C4orf50: variants seen among roughly 807,000 people sequenced by gnomAD.
C4orf50 encodes the protein chromosome 4 open reading frame 50, also known as uncharacterized protein C4orf50.
In C4orf50, 80 loss-of-function variants were observed where a neutral mutation model predicts 77.2. That is an observed-to-expected ratio of 1.04 (90% CI 0.87 to 1.25). The LOEUF is 1.25. Ranked by LOEUF, C4orf50 falls within the 50% of genes most tolerant of loss-of-function variation. The pLI is 0.00. For synonymous variants in C4orf50, 532 were observed against 465.3 expected, an observed-to-expected ratio of 1.14 and a Z score of -1.84; for missense variants, 1,257 against 1,152.9, an observed-to-expected ratio of 1.09 and a Z score of -1.31.
chr4:5,976,434 C>T (rs563540897), intron 29 of C4orf50, among the ~76,000 whole-genome samples: 3 of 125,916 alleles, frequency 2.4e-5, no homozygotes, highest in Non-Finnish European at 4.7e-5. Context: ...CCAGCCTGGG[C>T]GAGAGAGCGA....
At chr4:6,004,837 G>C (rs927071773) in intron 25 of C4orf50, among the ~76,000 whole-genome samples, 1 of 150,972 alleles carries the variant, frequency 6.6e-6, no homozygotes, top group South Asian at 2.1e-4. Context: ...GTGATGATGT[G>C]ATGGTGATGG....
rs1464787532 is a variant in C4orf50 at position 5,958,553 on chromosome 4, G to A, written c.*822C>T. The A allele has an allele frequency of 6.6e-6, 1 of 152,046 alleles. No homozygotes were observed. Among genetic ancestry groups the A allele is most frequent in the African/African-American group, 2.4e-5 (1 of 41,402 alleles). The allele number at this position is 152,046 out of a possible 1,614,324, so 9.4% of individuals were successfully genotyped here. A position where few individuals can be genotyped will look rare whatever the true frequency, so the allele number is the denominator to read the frequency against. On this transcript the variant is annotated 3_prime_UTR_variant, in exon 34 of 34. Coordinates refer to ENST00000531445, the Ensembl canonical transcript of C4orf50. The surrounding 1 kb of genome is among the most constrained non-coding windows in gnomAD (Gnocchi z 5.4). ...CCCTTACCTTCATCCCGTTGCTCAG[G>A]GCACATGTGACACTTGCGTGCGTGC...
intron 28 of C4orf50, among the ~76,000 whole-genome samples, chr4:5,987,818 A>G (rs1720962789): frequency 6.6e-6 from 1 of 152,204 alleles, no homozygotes; most frequent in Non-Finnish European, 1.5e-5. Context: ...CCCAACAGTC[A>G]AGAACTGTCC....
At chr4:5,935,752 C>A (rs1560550379) in intron 7 of C4orf50, among the ~76,000 whole-genome samples, 1 of 137,194 alleles carries the variant, frequency 7.3e-6, no homozygotes, top group Non-Finnish European at 1.5e-5. Flanking sequence ...CGCCATTGCA[C>A]TCCAGGCTGG....
intron 32 of C4orf50, among the ~76,000 whole-genome samples, chr4:5,966,884 G>A (rs191266403): frequency 3.3e-5 from 5 of 152,186 alleles, no homozygotes; most frequent in East Asian, 1.9e-4. Context: ...TCTTGACCTC[G>A]TGATCCGCCT....
intron 7 of C4orf50, among the ~76,000 whole-genome samples, chr4:5,917,012 C>T (rs542652636): frequency 3.9e-4 from 59 of 152,300 alleles, no homozygotes; most frequent in Middle Eastern, 3.4e-3. Context: ...ATTAGCCAAA[C>T]CTAAGTAAAG....
chr4:5,925,038 A>T (rs58368186), intron 7 of C4orf50, among the ~76,000 whole-genome samples: 2 of 151,816 alleles, frequency 1.3e-5, no homozygotes, highest in African/African-American at 4.8e-5. Flanking sequence ...GGAGGTTCGC[A>T]GTGGTGGCCA....
intron 25 of C4orf50, among the ~76,000 whole-genome samples, chr4:5,999,839 T>C (rs1295704914): frequency 1.3e-5 from 2 of 152,052 alleles, no homozygotes; most frequent in Non-Finnish European, 2.9e-5. Flanking sequence ...AAAGAGAAAG[T>C]AGCAAGGCTT....
intron 7 of C4orf50, among the ~76,000 whole-genome samples, chr4:5,947,082 C>T (rs1718512599): frequency 6.6e-6 from 1 of 152,150 alleles, no homozygotes. Flanking sequence ...CTCATGGAAC[C>T]TATTTAAGAT....
At chr4:5,980,086 G>T in intron 29 of C4orf50, 88 bp downstream of exon 7, 1 of 1,105,278 alleles carries the variant, frequency 9.0e-7, no homozygotes, top group Non-Finnish European at 1.3e-6. Context: ...GGGTCAAGAA[G>T]ACCTCAGCAA....
downstream of C4orf50, among the ~76,000 whole-genome samples, chr4:5,952,996 T>C (rs1036208685): frequency 6.6e-6 from 1 of 152,222 alleles, no homozygotes; most frequent in African/African-American, 2.4e-5. This position sits in a 1 kb window ranked among gnomAD's most constrained non-coding sequence, Gnocchi z 4.4. Flanking sequence ...GAGCCTCCTC[T>C]GTGATGAGCA....
At chr4:5,949,569 T>G (rs1051456882) in intron 7 of C4orf50, among the ~76,000 whole-genome samples, 7 of 152,230 alleles carry the variant, frequency 4.6e-5, no homozygotes, top group African/African-American at 1.7e-4. Flanking sequence ...TACTGTTTAA[T>G]GGGAACAGAG....
intron 7 of C4orf50, among the ~76,000 whole-genome samples, chr4:5,924,739 G>T (rs1182600859): frequency 1.6e-4 from 25 of 152,206 alleles, no homozygotes; most frequent in Non-Finnish European, 5.9e-5. Context: ...GGGGAGAGGG[G>T]TATCCACTTG....
At chr4:5,986,563 G>A (rs1233929184) in intron 28 of C4orf50, among the ~76,000 whole-genome samples, 1 of 144,376 alleles carries the variant, frequency 6.9e-6, no homozygotes, top group Non-Finnish European at 1.5e-5. Flanking sequence ...TTTTGAGACA[G>A]AGTCTTGCTC....
chr4:5,926,934 T>A lies in C4orf50; in HGVS notation c.*2475-28746A>T, dbSNP rs540011947. Among the ~76,000 whole-genome samples, 161 of 152,318 alleles carry A rather than the reference T, an allele frequency of 1.1e-3. 1 individual carries two copies. Among genetic ancestry groups the A allele is most frequent in the African/African-American group, 3.6e-3 (150 of 41,566 alleles). On this transcript the variant is annotated intron_variant, in intron 7 of 7. Transcript: ENST00000324058. ...TTTATGACTGCTTTCCGTGTGCCCATGTTTCTGGTGAAATATATAGAAGTT... is the reference window on the plus strand; with the variant it reads ...TTTATGACTGCTTTCCGTGTGCCCAAGTTTCTGGTGAAATATATAGAAGTT...
At chr4:5,977,579 A>G (rs1720358165) in intron 29 of C4orf50, among the ~76,000 whole-genome samples, 1 of 150,098 alleles carries the variant, frequency 6.7e-6, no homozygotes, top group Non-Finnish European at 1.5e-5. Context: ...AGTCAAAACA[A>G]AATTGATTTA....
intron 7 of C4orf50, among the ~76,000 whole-genome samples, chr4:5,913,185 T>C (rs963413806): frequency 1.3e-5 from 2 of 152,208 alleles, no homozygotes; most frequent in African/African-American, 4.8e-5. Context: ...TTCCCATCTG[T>C]AAAATGAGGA....
intron 7 of C4orf50, among the ~76,000 whole-genome samples, chr4:5,945,109 G>A (rs13137602): frequency 0.23 from 34,614 of 152,162 alleles, 4,913 homozygotes; most frequent in Admixed American, 0.37. Flanking sequence ...GCATGGGGAG[G>A]TGCCTTGGGC....
chr4:6,008,203 G>T lies in C4orf50; in HGVS notation c.756C>A (p.Arg252=), dbSNP rs971811886. The change falls in exon 25 of 34, where the codon CGC becomes CGA. Residue 252 remains arginine, a synonymous_variant. Transcript: ENST00000531445. The surrounding 1 kb of genome is among the most constrained non-coding windows in gnomAD (Gnocchi z 6.0). ...GGCTGCGCGCCGCCTCTTCCCGCTC[G>T]CGCTCGCTGCGCTCTGCCCTCGCCT... 2.3e-5 allele frequency: 9 copies of T among 397,522 alleles called. No individual in the cohort carries two copies. Among genetic ancestry groups the T allele is most frequent in the Non-Finnish European group, 4.0e-5 (9 of 225,378 alleles). The allele number at this position is 397,522 out of a possible 1,614,324, so 24.6% of individuals were successfully genotyped here. A position where few individuals can be genotyped will look rare whatever the true frequency, so the allele number is the denominator to read the frequency against.
Sources: gnomAD v4.1 joint callset for allele counts (sites outside exome capture counted in the v4.1 genomes callset) on GRCh38, gnomAD v4.1.1 for gene constraint, Gnocchi (gnomAD v3.1) non-coding constraint, MANE v1.5 for transcripts, NCBI Gene and HGNC (gene_info 2026-07-23, HGNC 2026-07-21) for gene names.